Variants in DPF3 observed in about 807,000 individuals in gnomAD.
DPF3 encodes the protein zinc finger protein DPF3.
DPF3 carries 18 observed loss-of-function variants against 56.8 expected under a neutral mutation model. The observed-to-expected ratio is 0.32, with a 90% confidence interval of 0.22 to 0.47. The LOEUF (loss-of-function observed/expected upper bound fraction) is 0.47, where lower values mean the gene tolerates loss of function less well. Among genes scored for constraint, DPF3 ranks in the 20% least tolerant of loss-of-function variants. The pLI is 1.00. For synonymous variants in DPF3, 188 were observed against 180.2 expected, an observed-to-expected ratio of 1.04 and a Z score of -0.35; for missense variants, 403 against 488.8, an observed-to-expected ratio of 0.82 and a Z score of 1.65.
intron 1 of DPF3, among the ~76,000 whole-genome samples, chr14:72,836,951 C>T (rs1290965178): frequency 6.6e-6 from 1 of 152,106 alleles, no homozygotes; most frequent in Non-Finnish European, 1.5e-5. Flanking sequence ...CTCACTGCAA[C>T]CTCCACCTCC....
intron 1 of DPF3, among the ~76,000 whole-genome samples, chr14:72,844,443 C>G (rs561017056): frequency 1.8e-4 from 27 of 152,274 alleles, no homozygotes; most frequent in Non-Finnish European, 3.2e-4. Context: ...GAATCACCCT[C>G]TTGTGTGAAA....
At chr14:72,748,998 C>G (rs2109791) in intron 3 of DPF3, among the ~76,000 whole-genome samples, 6 of 152,100 alleles carry the variant, frequency 3.9e-5, no homozygotes, top group African/African-American at 7.2e-5. Context: ...CAGAGTCCCA[C>G]CTGGGGCACC....
At chr14:72,660,995 C>T in intron 8 of DPF3, 1 of 933,008 alleles carries the variant, frequency 1.1e-6, no homozygotes, top group Non-Finnish European at 1.3e-6. Flanking sequence ...TGAAAGTGAA[C>T]TCACACAGGA....
chr14:72,701,453 G>C (rs548151125), intron 6 of DPF3, among the ~76,000 whole-genome samples: 1 of 152,212 alleles, frequency 6.6e-6, no homozygotes, highest in Non-Finnish European at 1.5e-5. Flanking sequence ...AGGACCTCCT[G>C]TCTGGAGTTA....
intron 7 of DPF3, among the ~76,000 whole-genome samples, chr14:72,687,487 A>G (rs188196042): frequency 3.3e-5 from 5 of 152,298 alleles, no homozygotes; most frequent in Middle Eastern, 3.4e-3. Context: ...CCCACTGTCT[A>G]TAGGAATAAA....
chr14:72,876,096 T>A (rs1156918523), intron 1 of DPF3, among the ~76,000 whole-genome samples: 2 of 152,216 alleles, frequency 1.3e-5, no homozygotes, highest in African/African-American at 4.8e-5. Flanking sequence ...AGGATTAAAG[T>A]ACAGAAAGGG....
rs10140317 is a variant in DPF3, at chr14:72,736,169, T to C, written c.302-4235A>G. Among the ~76,000 whole-genome samples, 11 of 152,178 alleles carry C rather than the reference T, an allele frequency of 7.2e-5. No individual in the cohort carries two copies. The East Asian group carries it at 2.1e-3, about 29-fold the overall frequency. Reference sequence around the variant, plus strand: ...AGGTGTCATTAATTTTAATAAGATATTGTATCCGATCTGGTATTTCTAAAA... The same window carrying C: ...AGGTGTCATTAATTTTAATAAGATACTGTATCCGATCTGGTATTTCTAAAA... On this transcript the variant is annotated intron_variant, in intron 3 of 10. Transcript: ENST00000556509.
At position 72,723,735 on chromosome 14, in the gene DPF3, TG is replaced by T. The variant is rs2139842452; in HGVS notation, c.430-8del. The T allele has an allele frequency of 1.3e-6, 2 of 1,539,466 alleles. No homozygotes were observed. Among genetic ancestry groups the T allele is most frequent in the East Asian group, 2.4e-5 (1 of 42,140 alleles). ...CATCATTTTCCAAAACCCTCTGAAA[TG>T]AAAAAAAAAAATAGAAAAGGTGAGA... is the stretch of plus-strand genomic sequence containing the variant. On this transcript the variant is annotated splice_polypyrimidine_tract_variant and splice_region_variant and intron_variant, in intron 4 of 10. Transcript: ENST00000556509.
At chr14:72,873,107 A>G (rs1281833127) in intron 1 of DPF3, among the ~76,000 whole-genome samples, 4 of 152,174 alleles carry the variant, frequency 2.6e-5, no homozygotes, top group Admixed American at 2.6e-4. Flanking sequence ...CTGCACAGCA[A>G]AAGAAACTAC....
rs1376625494 is a variant in DPF3 at position 72,619,220 on chromosome 14, A to C, written c.*77T>G. Reference sequence around the variant, plus strand: ...CAGTTGGTCTGGCTGGATATGTGGGAGGAGGGCGCGTTCTGGTTTGAACTG... The same window carrying C: ...CAGTTGGTCTGGCTGGATATGTGGGCGGAGGGCGCGTTCTGGTTTGAACTG... On this transcript the variant is annotated 3_prime_UTR_variant, in exon 11 of 11. Transcript: ENST00000556509. 2.1e-6 allele frequency: 3 copies of C among 1,403,104 alleles called. No individual in the cohort carries two copies. The highest frequency in any genetic ancestry group is 2.9e-6 in the Non-Finnish European group (3 of 1,035,488). The allele number at this position is 1,403,104 out of a possible 1,614,324, so 86.9% of individuals were successfully genotyped here.
intron 2 of DPF3, among the ~76,000 whole-genome samples, chr14:72,761,259 C>G (rs1048188246): frequency 2.0e-5 from 3 of 152,074 alleles, no homozygotes; most frequent in Non-Finnish European, 2.9e-5. Context: ...CAAACAACAA[C>G]AGCAAAACAC....
intron 1 of DPF3, among the ~76,000 whole-genome samples, chr14:72,774,270 A>C (rs961982828): frequency 1.3e-5 from 2 of 149,850 alleles, no homozygotes; most frequent in African/African-American, 5.0e-5. Flanking sequence ...TCTAAAAAAA[A>C]AAAAAAAAAA....
At chr14:72,771,068 C>G (rs769216845) in intron 2 of DPF3, among the ~76,000 whole-genome samples, 2 of 151,852 alleles carry the variant, frequency 1.3e-5, no homozygotes, top group Admixed American at 6.6e-5. Context: ...CCCAGCGACT[C>G]AGGAGGCTGA....
chr14:72,803,697 G>A (rs1892976532), intron 1 of DPF3, among the ~76,000 whole-genome samples: 1 of 152,202 alleles, frequency 6.6e-6, no homozygotes, highest in East Asian at 1.9e-4. Context: ...AGTCCATCTA[G>A]TCCAGGACTA....
Position 72,714,465 on chromosome 14 carries a change from C to T in DPF3, c.562G>A (p.Ala188Thr), listed in dbSNP as rs61742824. ...GSAGGRRRHD[A>T]ASQEDHDKPY... ...TTGTCGTGGTCTTCCTGAGAGGCGG[C>T]GTCGTGCCTCCTCCTGCCCCCTGCA... The change falls in exon 6 of 11, where the codon GCC (alanine) becomes ACC (threonine). Residue 188 changes from alanine to threonine, a missense_variant. Around this residue, in one of 2 missense-constraint regions of DPF3, gnomAD observed 340 missense variants for 374.3 expected, o/e 0.91. Coordinates refer to ENST00000556509, the MANE Select transcript of DPF3 (RefSeq NM_001280542.3). 3.6e-3 allele frequency: 5,784 copies of T among 1,613,778 alleles called. 196 individuals carry two copies. In the African/African-American group the frequency reaches 0.069, roughly 19 times the overall value.
chr14:72,891,948 C>T (rs1045037772), intron 1 of DPF3, among the ~76,000 whole-genome samples: 1 of 152,210 alleles, frequency 6.6e-6, no homozygotes, highest in Non-Finnish European at 1.5e-5. Flanking sequence ...CAGAATTCCG[C>T]CACCTTCTTT....
At chr14:72,821,974 TCCAG>T (rs1342648576) in intron 1 of DPF3, among the ~76,000 whole-genome samples, 1 of 152,134 alleles carries the variant, frequency 6.6e-6, no homozygotes, top group Admixed American at 6.6e-5. Context: ...GCCACTGCAC[TCCAG>T]CCTGGGTGAC....
At chr14:72,819,257 A>G (rs1442833270) in intron 1 of DPF3, among the ~76,000 whole-genome samples, 2 of 152,252 alleles carry the variant, frequency 1.3e-5, no homozygotes, top group Non-Finnish European at 2.9e-5. Flanking sequence ...GGAATATGCA[A>G]TGGTGCAACC....
chr14:72,782,041 T>C (rs1404757499), intron 1 of DPF3, among the ~76,000 whole-genome samples: 2 of 152,176 alleles, frequency 1.3e-5, no homozygotes, highest in Non-Finnish European at 2.9e-5. Context: ...CTGAGTGTGA[T>C]CGCCTATAGA....
Sources: allele counts gnomAD v4.1 joint callset (sites outside exome capture counted in the v4.1 genomes callset), GRCh38; gene constraint gnomAD v4.1.1; regional missense constraint gnomAD v4.1.1; transcripts MANE v1.5; gene names NCBI Gene and HGNC (gene_info 2026-07-23, HGNC 2026-07-21).